ABLIM1: variants seen among roughly 807,000 people sequenced by gnomAD.
ABLIM1 encodes the protein actin binding LIM protein 1.
ABLIM1 carries 40 observed loss-of-function variants against 107.0 expected under a neutral mutation model. That is an observed-to-expected ratio of 0.37 (90% CI 0.29 to 0.49). ABLIM1 has a LOEUF of 0.49. ABLIM1 is among the 20% of genes least tolerant of loss of function. ABLIM1 has a pLI of 0.97. For missense variants in ABLIM1, 857 were observed against 1,008.5 expected (o/e 0.85, Z 2.04); for synonymous variants, 357 against 357.3 (o/e 1.00, Z 0.01).
intron 1 of ABLIM1, among the ~76,000 whole-genome samples, chr10:114,630,906 A>G (rs894779213): frequency 3.3e-5 from 5 of 152,252 alleles, no homozygotes; most frequent in Admixed American, 1.3e-4. Flanking sequence ...AGAGAAAAAA[A>G]TAAGTTACAG....
chr10:114,755,217 A>C (rs2082602736), intron 1 of ABLIM1, among the ~76,000 whole-genome samples: 1 of 152,206 alleles, frequency 6.6e-6, no homozygotes, highest in East Asian at 1.9e-4. Context: ...TGAACTGTGC[A>C]TGCGAAGGAT....
intron 1 of ABLIM1, among the ~76,000 whole-genome samples, chr10:114,626,631 C>A (rs1316769448): frequency 6.6e-6 from 1 of 152,182 alleles, no homozygotes; most frequent in Non-Finnish European, 1.5e-5. Context: ...CTCTTCAGTT[C>A]TCCTTCCCAA....
chr10:114,746,187 T>TA (rs752786286), intron 1 of ABLIM1, among the ~76,000 whole-genome samples: 7 of 151,846 alleles, frequency 4.6e-5, no homozygotes, highest in South Asian at 2.1e-4. Flanking sequence ...GCCACTGATC[T>TA]AAAAAAAAAT....
chr10:114,612,958 A>C (rs1235194192), intron 1 of ABLIM1, among the ~76,000 whole-genome samples: 1 of 152,178 alleles, frequency 6.6e-6, no homozygotes, highest in African/African-American at 2.4e-5. Context: ...GAAAAACAAA[A>C]ACCAAAAACC....
intron 1 of ABLIM1, among the ~76,000 whole-genome samples, chr10:114,636,213 T>A (rs1009118941): frequency 3.3e-5 from 5 of 152,010 alleles, no homozygotes; most frequent in Non-Finnish European, 7.4e-5. Flanking sequence ...AGAGGGAAAG[T>A]CATTCCAAGT....
intron 1 of ABLIM1, 119 bp downstream of exon 1, chr10:114,657,838 T>C: frequency 1.2e-6 from 1 of 838,370 alleles, no homozygotes. Flanking sequence ...ATTAATTATA[T>C]ATTAAGGATA....
chr10:114,752,983 T>C (rs1005516823), intron 1 of ABLIM1, among the ~76,000 whole-genome samples: 3 of 152,166 alleles, frequency 2.0e-5, no homozygotes, highest in Non-Finnish European at 4.4e-5. Context: ...TTGGGAAATA[T>C]ATCAGCATCA....
chr10:114,688,453 A>C (rs1237311384), upstream of ABLIM1, among the ~76,000 whole-genome samples: 1 of 152,216 alleles, frequency 6.6e-6, no homozygotes, highest in Non-Finnish European at 1.5e-5. Flanking sequence ...ATAAGCCCAA[A>C]TCATTGGTCC....
chr10:114,615,445 T>C (rs552967144), intron 1 of ABLIM1: 1 of 387,042 alleles, frequency 2.6e-6, no homozygotes, highest in South Asian at 1.9e-5. Flanking sequence ...ACTACCTTGT[T>C]AAAGGCAGTC....
At position 114,619,988 on chromosome 10, in the gene ABLIM1, A is replaced by G. The variant is rs1260065138; in HGVS notation, c.245-18027T>C. On this transcript the variant is annotated intron_variant, in intron 1 of 22. Coordinates refer to ENST00000533213, the MANE Select transcript of ABLIM1 (RefSeq NM_002313.7). This position sits in a 1 kb window ranked among gnomAD's most constrained non-coding sequence, Gnocchi z 4.1. ...GTCCCGTTGCAAGTGAAGAAACCCAACGTAACCCAAACATACCTATTATCA... is the reference window on the plus strand; with the variant it reads ...GTCCCGTTGCAAGTGAAGAAACCCAGCGTAACCCAAACATACCTATTATCA... Among the ~76,000 whole-genome samples, 1 of 152,206 alleles carries G rather than the reference A, an allele frequency of 6.6e-6. No homozygotes were observed. Among genetic ancestry groups the G allele is most frequent in the Non-Finnish European group, 1.5e-5 (1 of 68,042 alleles).
At chr10:114,746,835 T>C (rs1320077286) in intron 1 of ABLIM1, among the ~76,000 whole-genome samples, 2 of 152,224 alleles carry the variant, frequency 1.3e-5, no homozygotes, top group Non-Finnish European at 2.9e-5. Context: ...CATCTGTTAG[T>C]CATTTGTATG....
Position 114,724,651 on chromosome 10 carries a change from C to A in ABLIM1, c.-213+43410G>T, listed in dbSNP as rs995133678. Among the ~76,000 whole-genome samples the A allele has an allele frequency of 3.3e-5, 5 of 152,278 alleles. No homozygotes were observed. The South Asian group carries it at 1.0e-3, about 32-fold the overall frequency. On this transcript the variant is annotated intron_variant, in intron 1 of 15. Coordinates refer to the ABLIM1 transcript ENST00000651092. ...CAAGGCCTTCCAAGGTGAAGATGGT[C>A]CCACCCTAATAAAGGCCAGGAGAGC...
In ABLIM1 at chr10:114,657,950, TACTTA is replaced by T. The variant is rs2079603462; in HGVS notation, c.244+2_244+6del. On this transcript the variant is annotated splice_donor_variant and splice_donor_5th_base_variant and intron_variant, in intron 1 of 22. Coordinates refer to ENST00000533213, the MANE Select transcript of ABLIM1 (RefSeq NM_002313.7). LOFTEE classifies it high-confidence loss of function. ...AAACCATGTCCAGAGAGGGTTATTT[TACTTA>T]CCAAAAGGATCAACGCTGTTACATA... 35 of 1,604,836 alleles carry T rather than the reference TACTTA, an allele frequency of 2.2e-5. No homozygotes were observed. Among genetic ancestry groups the T allele is most frequent in the Non-Finnish European group, 3.0e-5 (35 of 1,172,892 alleles).
intron 12 of ABLIM1, among the ~76,000 whole-genome samples, chr10:114,459,321 G>A (rs1304232103): frequency 6.6e-6 from 1 of 152,184 alleles, no homozygotes; most frequent in African/African-American, 2.4e-5. Context: ...AGTCAATGAA[G>A]GGCCACAAAA....
At chr10:114,531,004 A>G (rs1396577828) in intron 6 of ABLIM1, among the ~76,000 whole-genome samples, 1 of 152,262 alleles carries the variant, frequency 6.6e-6, no homozygotes, top group African/African-American at 2.4e-5. Flanking sequence ...GTAATTAAAA[A>G]TACACCATGA....
At chr10:114,633,870 G>GC (rs2078323501) in intron 1 of ABLIM1, among the ~76,000 whole-genome samples, 1 of 152,082 alleles carries the variant, frequency 6.6e-6, no homozygotes, top group East Asian at 1.9e-4. Flanking sequence ...AGCCTAGCAG[G>GC]TGAATCTATT....
At chr10:114,552,396 C>T (rs528829581) in intron 4 of ABLIM1, among the ~76,000 whole-genome samples, 9 of 151,120 alleles carry the variant, frequency 6.0e-5, no homozygotes, top group South Asian at 4.2e-4. Flanking sequence ...TTATTGCCAA[C>T]GTCAGAAGTA....
chr10:114,667,392 C>G (rs1413183203), intron 1 of ABLIM1, among the ~76,000 whole-genome samples: 1 of 152,178 alleles, frequency 6.6e-6, no homozygotes, highest in Non-Finnish European at 1.5e-5. Context: ...AGCATGTCTG[C>G]TCCTCTCCCT....
At chr10:114,729,830 G>GA (rs944914443) in intron 1 of ABLIM1, among the ~76,000 whole-genome samples, 1 of 152,012 alleles carries the variant, frequency 6.6e-6, no homozygotes, top group Non-Finnish European at 1.5e-5. Context: ...ATAAGCCAAT[G>GA]AAAAAACAAC....
Sources: gnomAD v4.1 joint callset for allele counts (sites outside exome capture counted in the v4.1 genomes callset) on GRCh38, gnomAD v4.1.1 for gene constraint, Gnocchi (gnomAD v3.1) non-coding constraint, MANE v1.5 for transcripts, NCBI Gene and HGNC (gene_info 2026-07-23, HGNC 2026-07-21) for gene names.